Variants in SEL1L2 observed in about 807,000 individuals in gnomAD.
SEL1L2 encodes the protein protein sel-1 homolog 2.
Under a neutral mutation model 98.8 loss-of-function variants are expected in SEL1L2, and 89 were observed. The ratio of observed to expected loss-of-function variants is 0.90; its 90% CI spans 0.76 to 1.07. SEL1L2 has a LOEUF of 1.07. SEL1L2 is among the 50% of genes least tolerant of loss of function. The probability of loss-of-function intolerance (pLI) is 0.00; values close to 1 mark genes in which losing one functional copy is unlikely to be tolerated. For synonymous variants in SEL1L2, 262 were observed against 278.5 expected, an observed-to-expected ratio of 0.94 and a Z score of 0.59; for missense variants, 788 against 812.0, an observed-to-expected ratio of 0.97 and a Z score of 0.36.
intron 1 of SEL1L2, among the ~76,000 whole-genome samples, chr20:13,980,300 C>T (rs543460850): frequency 6.6e-6 from 1 of 152,344 alleles, no homozygotes; most frequent in Admixed American, 6.5e-5. Flanking sequence ...ACTGCAACCT[C>T]TGCCTCCTGG....
At chr20:13,864,507 G>T (rs73612318) in intron 17 of SEL1L2, among the ~76,000 whole-genome samples, 17,762 of 152,126 alleles carry the variant, frequency 0.12, 1,166 homozygotes, top group East Asian at 0.18. Flanking sequence ...GGGAAAAATA[G>T]TAAGAGACAT....
chr20:13,899,405 C>A (rs1276986241), intron 5 of SEL1L2, among the ~76,000 whole-genome samples: 1 of 152,124 alleles, frequency 6.6e-6, no homozygotes, highest in African/African-American at 2.4e-5. Flanking sequence ...CTATTTTCAG[C>A]ATGTATTATA....
chr20:13,858,957 A>T (rs148082934), intron 18 of SEL1L2, among the ~76,000 whole-genome samples: 14 of 152,336 alleles, frequency 9.2e-5, no homozygotes, highest in African/African-American at 3.1e-4. Context: ...GAAAATGGAG[A>T]CAGGGCCTAC....
chr20:13,866,824 T>G lies in SEL1L2; in HGVS notation c.1282A>C (p.Lys428Gln), dbSNP rs1242320720. The G allele has an allele frequency of 5.0e-6, 8 of 1,611,530 alleles. No homozygotes were observed. The highest frequency in any genetic ancestry group is 6.8e-6 in the Non-Finnish European group (8 of 1,179,200). ...YSGSGIWKDY[K>Q]LAFKYFYLAS... ...AGGTAAAAATATTTGAAGGCAAGTT[T>G]ATAATCCTTCCATATTCCAGAGCCA... Residue 428 changes from lysine (K) to glutamine (Q), a missense_variant, in exon 15 of 20, where the codon AAA becomes CAA. Coordinates refer to ENST00000284951, the MANE Select transcript of SEL1L2 (RefSeq NM_025229.2).
chr20:13,955,411 G>C (rs2050483713), intron 2 of SEL1L2, among the ~76,000 whole-genome samples: 1 of 151,984 alleles, frequency 6.6e-6, no homozygotes, highest in African/African-American at 2.4e-5. Flanking sequence ...TCCAAGCAGA[G>C]AGAACACGAA....
At chr20:13,978,352 T>C (rs2051644221) in intron 1 of SEL1L2, among the ~76,000 whole-genome samples, 1 of 152,066 alleles carries the variant, frequency 6.6e-6, no homozygotes, top group Non-Finnish European at 1.5e-5. Flanking sequence ...AAAAATCAAC[T>C]CAAAATGTAT....
At chr20:13,852,122 C>T (rs926611211) in intron 18 of SEL1L2, among the ~76,000 whole-genome samples, 3 of 152,174 alleles carry the variant, frequency 2.0e-5, no homozygotes, top group African/African-American at 4.8e-5. Context: ...ATGCTGCACA[C>T]GTGAAAGACA....
chr20:13,884,697 C>T (rs892801554), intron 10 of SEL1L2, among the ~76,000 whole-genome samples: 6 of 151,418 alleles, frequency 4.0e-5, no homozygotes, highest in South Asian at 2.1e-4. Context: ...TTAGTAGAGA[C>T]GGGGTTTCAC....
At position 13,887,957 on chromosome 20, in the gene SEL1L2, C is replaced by A. The variant is rs767865618; in HGVS notation, c.648G>T (p.Met216Ile). The A allele has an allele frequency of 9.3e-6, 15 of 1,613,606 alleles. No homozygotes were observed. Among genetic ancestry groups the A allele is most frequent in the African/African-American group, 2.7e-5 (2 of 74,890 alleles). ...GTTTACAAACCAAAATCATCTGGGA[C>A]ATCATGTTTCCTCCAGCACTTCCAA... is the stretch of plus-strand genomic sequence containing the variant. The part of the protein sequence containing the change: ...YTFGSAGGNM[M>I]SQMILGYRYL... Residue 216 changes from methionine to isoleucine, a missense_variant, in exon 7 of 20, where the codon ATG (methionine) becomes ATT (isoleucine). Coordinates refer to ENST00000284951, the MANE Select transcript of SEL1L2 (RefSeq NM_025229.2).
intron 2 of SEL1L2, among the ~76,000 whole-genome samples, chr20:13,933,422 C>T (rs576722290): frequency 1.3e-5 from 2 of 151,946 alleles, no homozygotes; most frequent in South Asian, 4.2e-4. Context: ...TCCCTGTACT[C>T]CCATCCTCCC....
chr20:13,853,336 T>A, intron 18 of SEL1L2, among the ~76,000 whole-genome samples: 1 of 151,964 alleles, frequency 6.6e-6, no homozygotes, highest in Non-Finnish European at 1.5e-5. Context: ...GTAGCTGGGA[T>A]TACAGGGACT....
At chr20:13,906,829 C>T (rs558769310) in intron 5 of SEL1L2, among the ~76,000 whole-genome samples, 1 of 152,284 alleles carries the variant, frequency 6.6e-6, no homozygotes, top group East Asian at 1.9e-4. Flanking sequence ...CAGGCGCGTG[C>T]CACCACATCC....
At chr20:13,933,397 C>T (rs2049246896) in intron 2 of SEL1L2, among the ~76,000 whole-genome samples, 1 of 151,930 alleles carries the variant, frequency 6.6e-6, no homozygotes, top group Admixed American at 6.6e-5. Flanking sequence ...ACCACAAATC[C>T]TTTAGCTATC....
chr20:13,938,330 C>T (rs891494402), intron 2 of SEL1L2, among the ~76,000 whole-genome samples: 8 of 152,102 alleles, frequency 5.3e-5, no homozygotes, highest in African/African-American at 7.2e-5. Context: ...CTGCCCACCT[C>T]GGCCTCCCAA....
intron 2 of SEL1L2, among the ~76,000 whole-genome samples, chr20:13,932,216 C>T (rs915391276): frequency 6.6e-6 from 1 of 151,738 alleles, no homozygotes; most frequent in African/African-American, 2.4e-5. Flanking sequence ...TCCCAAAAGT[C>T]CTTTTCAGAA....
chr20:13,976,325 T>C (rs1451577772), intron 1 of SEL1L2, among the ~76,000 whole-genome samples: 3 of 152,120 alleles, frequency 2.0e-5, no homozygotes, highest in Non-Finnish European at 4.4e-5. Flanking sequence ...TTGTTGTTGT[T>C]TGTCTGTTTT....
chr20:13,915,022 A>T, intron 4 of SEL1L2: 1 of 1,008,124 alleles, frequency 9.9e-7, no homozygotes, highest in Non-Finnish European at 1.3e-6. Flanking sequence ...AAGACCAGAA[A>T]GCGTTAACTT....
At chr20:13,852,040 C>A (rs1988350133) in intron 18 of SEL1L2, among the ~76,000 whole-genome samples, 1 of 152,114 alleles carries the variant, frequency 6.6e-6, no homozygotes, top group Non-Finnish European at 1.5e-5. Flanking sequence ...TTGTAAAAAC[C>A]CTAATTTGTG....
At chr20:13,949,662 CAAAACAA>C (rs1276031559) in intron 2 of SEL1L2, among the ~76,000 whole-genome samples, 2 of 129,132 alleles carry the variant, frequency 1.5e-5, no homozygotes, top group African/African-American at 2.9e-5. Context: ...GACTCTGTCT[CAAAACAA>C]AAAACAAAAA....
Sources: gnomAD v4.1 joint callset for allele counts (sites outside exome capture counted in the v4.1 genomes callset) on GRCh38, gnomAD v4.1.1 for gene constraint, MANE v1.5 for transcripts, NCBI Gene and HGNC (gene_info 2026-07-23, HGNC 2026-07-21) for gene names.